The following IFT88 variants were observed in gnomAD, a reference collection of about 807,000 sequenced individuals.
IFT88 encodes the protein intraflagellar transport protein 88 homolog.
IFT88 carries 74 observed loss-of-function variants against 119.5 expected under a neutral mutation model. The observed-to-expected ratio is 0.62, with a 90% CI of 0.51 to 0.75. The LOEUF (loss-of-function observed/expected upper bound fraction) is 0.75, where lower values mean the gene tolerates loss of function less well. IFT88 is among the 30% of genes least tolerant of loss of function. IFT88 has a pLI of 0.00. For missense variants in IFT88, 961 were observed against 977.7 expected (o/e 0.98, Z 0.23); for synonymous variants, 279 against 316.7 (o/e 0.88, Z 1.26).
chr13:20,603,120 A>G (rs2042873099), intron 12 of IFT88, among the ~76,000 whole-genome samples: 1 of 152,356 alleles, frequency 6.6e-6, no homozygotes, highest in East Asian at 1.9e-4. Flanking sequence ...ATTTTTACAA[A>G]TAAAATATTG....
intron 23 of IFT88, among the ~76,000 whole-genome samples, chr13:20,669,239 A>C (rs2055336480): frequency 6.6e-6 from 1 of 152,208 alleles, no homozygotes; most frequent in African/African-American, 2.4e-5. Context: ...GGACTGGAAA[A>C]TTCTAGATGA....
chr13:20,653,836 T>A, intron 20 of IFT88, 40 bp from the exon 21 acceptor site: 1 of 1,216,714 alleles, frequency 8.2e-7, no homozygotes, highest in South Asian at 1.5e-5. Flanking sequence ...CATCACAGAT[T>A]TTTTTATCTC....
chr13:20,572,301 C>T (rs1365394628), intron 1 of IFT88, among the ~76,000 whole-genome samples: 1 of 152,088 alleles, frequency 6.6e-6, no homozygotes, highest in South Asian at 2.1e-4. Flanking sequence ...TCACTGCAAC[C>T]TCTGCCTCCT....
intron 6 of IFT88, 122 bp downstream of exon 6, chr13:20,591,803 C>A: frequency 1.6e-6 from 1 of 643,826 alleles, no homozygotes. Flanking sequence ...ATAAGATGCA[C>A]TGATATTTTA....
Position 20,638,372 on chromosome 13 carries a change from C to A in IFT88, c.1427C>A (p.Ala476Asp). The change falls in exon 17 of 26, where the codon GCT becomes GAT. Residue 476 changes from alanine (A) to aspartate (D), a missense_variant. Ala to Asp is a moderately radical substitution (Grantham distance 126). Transcript: ENST00000351808. ...CAAGCCAGCAGCTATGCAGATATAG[C>A]TGTGAACTCTGATAGATATAATCCA... ...FAQASSYADIAVNSDRYNPAA... is the reference protein window; with the variant it reads ...FAQASSYADIDVNSDRYNPAA... The A allele has an allele frequency of 6.8e-7, 1 of 1,463,764 alleles. No homozygotes were observed. Among genetic ancestry groups the A allele is most frequent in the South Asian group, 1.6e-5 (1 of 61,492 alleles). 90.7% of individuals were successfully genotyped at this position (1,463,764 alleles called of 1,614,324 possible).
chr13:20,628,946 T>TA (rs2047766843), intron 15 of IFT88, among the ~76,000 whole-genome samples: 1 of 152,156 alleles, frequency 6.6e-6, no homozygotes, highest in Non-Finnish European at 1.5e-5. Flanking sequence ...TCCTTGACTA[T>TA]AATGTAAATG....
chr13:20,603,772 C>G (rs2042983662), intron 12 of IFT88, among the ~76,000 whole-genome samples: 1 of 152,132 alleles, frequency 6.6e-6, no homozygotes, highest in African/African-American at 2.4e-5. Flanking sequence ...TGTTGCACAC[C>G]TGTAGTCCCA....
rs2040570732 is a variant in IFT88 at position 20,591,020 on chromosome 13, G to A, written c.264G>A (p.Gln88=). The change falls in exon 5 of 26, where the codon CAG becomes CAA. Residue 88 remains glutamine, a splice_region_variant and synonymous_variant. Coordinates refer to ENST00000351808, the MANE Select transcript of IFT88 (RefSeq NM_006531.5). ...SIGRPMTGAI[Q]DGVTRPMTAV... ...GAAGACCAATGACAGGGGCTATTCA[G>A]GTATCTCTATTGGATGCATGTTCAT... 6.2e-7 allele frequency: 1 copy of A among 1,605,224 alleles called. No homozygotes were observed. Among genetic ancestry groups the A allele is most frequent in the African/African-American group, 1.3e-5 (1 of 74,664 alleles).
chr13:20,650,861 A>G (rs763170574), intron 20 of IFT88, among the ~76,000 whole-genome samples: 4 of 152,218 alleles, frequency 2.6e-5, no homozygotes, highest in African/African-American at 9.6e-5. Context: ...TGCATTTGCA[A>G]TGGTATCAAA....
At chr13:20,603,315 A>C (rs1296669652) in intron 12 of IFT88, among the ~76,000 whole-genome samples, 26 of 150,632 alleles carry the variant, frequency 1.7e-4, no homozygotes, top group Admixed American at 1.6e-3. Context: ...TTGAACCCGG[A>C]AGGTGGAGGT....
chr13:20,568,855 G>C (rs1201503579), intron 1 of IFT88, among the ~76,000 whole-genome samples: 1 of 152,004 alleles, frequency 6.6e-6, no homozygotes, highest in Non-Finnish European at 1.5e-5. Flanking sequence ...CGAGTAGCTG[G>C]GACTACAGGC....
intron 22 of IFT88, among the ~76,000 whole-genome samples, chr13:20,662,020 T>G (rs575583214): frequency 6.6e-5 from 10 of 152,162 alleles, no homozygotes; most frequent in Non-Finnish European, 1.5e-4. Context: ...AGCAGGAATT[T>G]AGGCAGAATG....
chr13:20,651,178 T>A (rs2051600912), intron 20 of IFT88, among the ~76,000 whole-genome samples: 1 of 151,972 alleles, frequency 6.6e-6, no homozygotes, highest in South Asian at 2.1e-4. Flanking sequence ...CACATGAATA[T>A]TAGGGTGAAT....
At chr13:20,587,661 T>C (rs1310618605) in intron 3 of IFT88, among the ~76,000 whole-genome samples, 1 of 152,198 alleles carries the variant, frequency 6.6e-6, no homozygotes, top group East Asian at 1.9e-4. Context: ...AGCAAAGATA[T>C]TTAGAATTGC....
At chr13:20,641,815 TAC>T (rs1476739872) in intron 18 of IFT88, 1 of 156,272 alleles carries the variant, frequency 6.4e-6, no homozygotes, top group Non-Finnish European at 1.4e-5. Context: ...TAATTTTTCT[TAC>T]TTTTTTAGCT....
chr13:20,644,530 A>G (rs920571273), intron 19 of IFT88, among the ~76,000 whole-genome samples: 1 of 152,004 alleles, frequency 6.6e-6, no homozygotes, highest in African/African-American at 2.4e-5. Flanking sequence ...TATTAATAAT[A>G]AAAAGAAGTA....
intron 13 of IFT88, among the ~76,000 whole-genome samples, chr13:20,611,364 C>CA: frequency 6.6e-6 from 1 of 150,792 alleles, no homozygotes. Flanking sequence ...TCTGTCTCTA[C>CA]AAAAAAATAC....
At chr13:20,599,211 A>G (rs1247142945) in intron 10 of IFT88, among the ~76,000 whole-genome samples, 8 of 152,086 alleles carry the variant, frequency 5.3e-5, no homozygotes, top group Non-Finnish European at 1.0e-4. Context: ...ACAATAATGT[A>G]AAGCACAATA....
At chr13:20,601,415 G>A (rs555150642) in intron 11 of IFT88, among the ~76,000 whole-genome samples, 8 of 152,124 alleles carry the variant, frequency 5.3e-5, no homozygotes, top group Admixed American at 2.6e-4. Flanking sequence ...AATAAGAATG[G>A]GGAATGACTG....
Sources: gnomAD v4.1 joint callset for allele counts (sites outside exome capture counted in the v4.1 genomes callset) on GRCh38, gnomAD v4.1.1 for gene constraint, MANE v1.5 for transcripts, NCBI Gene and HGNC (gene_info 2026-07-23, HGNC 2026-07-21) for gene names.